KIAA1549L: variants seen among roughly 807,000 people sequenced by gnomAD.
The protein encoded by KIAA1549L is UPF0606 protein KIAA1549L.
In KIAA1549L, 88 loss-of-function variants were observed where a neutral mutation model predicts 160.7. The observed-to-expected ratio is 0.55, with a 90% CI of 0.46 to 0.65. KIAA1549L has a LOEUF of 0.65. KIAA1549L is among the 30% of genes least tolerant of loss of function. The pLI, the probability that KIAA1549L is intolerant of heterozygous loss-of-function variation, is 0.00. For missense variants in KIAA1549L, 2,258 were observed against 2,437.5 expected, an observed-to-expected ratio of 0.93 and a Z score of 1.55; for synonymous variants, 950 against 976.7, an observed-to-expected ratio of 0.97 and a Z score of 0.51.
rs1423902707 is a variant in KIAA1549L, at chr11:33,584,650, A to G, written c.4566+1149A>G. Among the ~76,000 whole-genome samples, 4 of 152,222 alleles carry G rather than the reference A, an allele frequency of 2.6e-5. No individual in the cohort carries two copies. The East Asian group carries it at 7.7e-4, about 29-fold the overall frequency. On this transcript the variant is annotated intron_variant, in intron 11 of 20. Transcript: ENST00000658780. The stretch of plus-strand genomic sequence containing the variant: ...CTCGTTTGTTCATCACAGCAGCCTT[A>G]TGAGGTAGCTCGTAGTCAGGGAAGG...
chr11:33,425,150 A>G (rs1851091206), intron 1 of KIAA1549L, among the ~76,000 whole-genome samples: 1 of 152,202 alleles, frequency 6.6e-6, no homozygotes, highest in South Asian at 2.1e-4. Context: ...ATTCCATCTC[A>G]AGGAGCTTTT....
intron 13 of KIAA1549L, among the ~76,000 whole-genome samples, chr11:33,600,898 A>G (rs1019054115): frequency 1.3e-5 from 2 of 152,064 alleles, no homozygotes; most frequent in African/African-American, 4.8e-5. Context: ...CAAATAATCC[A>G]TAGAAGATGA....
chr11:33,450,305 C>T (rs1450322145), intron 1 of KIAA1549L, among the ~76,000 whole-genome samples: 1 of 152,188 alleles, frequency 6.6e-6, no homozygotes, highest in Non-Finnish European at 1.5e-5. Flanking sequence ...CACCTGCAAT[C>T]CCAGCACTTT....
At chr11:33,641,588 A>ATG (rs373115850) in intron 16 of KIAA1549L, among the ~76,000 whole-genome samples, 50 of 4,834 alleles carry the variant, frequency 0.01, 1 homozygote, top group Non-Finnish European at 0.015. Flanking sequence ...ATATATATAT[A>ATG]TATATATATA....
intron 1 of KIAA1549L, among the ~76,000 whole-genome samples, chr11:33,442,176 G>A (rs1481041122): frequency 6.6e-6 from 1 of 152,098 alleles, no homozygotes; most frequent in Non-Finnish European, 1.5e-5. Context: ...ATTAAATAGG[G>A]AATCCTTTCC....
At position 33,609,763 on chromosome 11, in the gene KIAA1549L, G is replaced by A. The variant is rs779478008; in HGVS notation, c.5076G>A (p.Leu1692=). 344 of 1,607,990 alleles carry A rather than the reference G, an allele frequency of 2.1e-4. No homozygotes were observed. The highest frequency in any genetic ancestry group is 2.8e-4 in the Non-Finnish European group (332 of 1,177,326). Residue 1692 remains leucine (L), a synonymous_variant, in exon 15 of 21, where the codon CTG becomes CTA. Coordinates refer to ENST00000658780, the MANE Select transcript of KIAA1549L (RefSeq NM_012194.3). ...TCTCTCCCCAGGTGAACAAAGCCCT[G>A]AAGCAGAAGTCAGACATCGAGCACT... is the stretch of plus-strand genomic sequence containing the variant. ...AVLNGEVNKA[L]KQKSDIEHYR...
At chr11:33,646,681 T>C (rs1025844989) in intron 17 of KIAA1549L, among the ~76,000 whole-genome samples, 6 of 152,232 alleles carry the variant, frequency 3.9e-5, no homozygotes, top group Non-Finnish European at 8.8e-5. Flanking sequence ...CACAAAATAC[T>C]TGTGCGAGGA....
chr11:33,393,522 G>A (rs574707844), intron 1 of KIAA1549L, among the ~76,000 whole-genome samples: 1 of 152,316 alleles, frequency 6.6e-6, no homozygotes, highest in East Asian at 1.9e-4. Context: ...GGTTATAAGT[G>A]AGGACACACA....
At chr11:33,479,098 A>G in intron 1 of KIAA1549L, among the ~76,000 whole-genome samples, 1 of 147,790 alleles carries the variant, frequency 6.8e-6, no homozygotes, top group Non-Finnish European at 1.5e-5. Flanking sequence ...ATATTTTTTC[A>G]CCAGTGCTCA....
chr11:33,629,920 A>G (rs1851231457), intron 16 of KIAA1549L, among the ~76,000 whole-genome samples: 1 of 148,248 alleles, frequency 6.7e-6, no homozygotes, highest in African/African-American at 2.6e-5. Context: ...TTGTGGTTTT[A>G]TCTACTTTTG....
At chr11:33,656,870 G>A (rs80300489) in intron 18 of KIAA1549L, among the ~76,000 whole-genome samples, 1,777 of 152,230 alleles carry the variant, frequency 0.012, 35 homozygotes, top group African/African-American at 0.038. Flanking sequence ...GGGCGTAGAC[G>A]TCACTTCTTG....
intron 16 of KIAA1549L, among the ~76,000 whole-genome samples, chr11:33,628,744 G>T (rs1851189610): frequency 6.6e-6 from 1 of 150,688 alleles, no homozygotes; most frequent in Admixed American, 6.6e-5. Context: ...TATCCAATTT[G>T]CCAGTCTGTG....
rs1190883464 is a variant in KIAA1549L at position 33,521,678 on chromosome 11, A to G, written c.239-20124A>G. On this transcript the variant is annotated intron_variant, in intron 1 of 20. Coordinates refer to ENST00000658780, the MANE Select transcript of KIAA1549L (RefSeq NM_012194.3). ...ATCTCCTCCCAGACTCTAGCAAATGATATATGTCTCTCTTAGGCCTCTCTT... is the reference window on the plus strand; with the variant it reads ...ATCTCCTCCCAGACTCTAGCAAATGGTATATGTCTCTCTTAGGCCTCTCTT... Among the ~76,000 whole-genome samples, 4 of 152,148 alleles carry G rather than the reference A, an allele frequency of 2.6e-5. No individual in the cohort carries two copies. In the East Asian group the frequency reaches 5.8e-4, roughly 22 times the overall value.
rs1264176469 is a variant in KIAA1549L at position 33,667,879 on chromosome 11, C to T, written c.6166C>T (p.Leu2056Phe). Residue 2056 changes from leucine (L) to phenylalanine (F), a missense_variant, in exon 21 of 21, where the codon CTC becomes TTC. Coordinates refer to ENST00000658780, the MANE Select transcript of KIAA1549L (RefSeq NM_012194.3). ...LPSQWADSVP[L>F]PGYIEAYPRS... ...CTCCCCACGCCCTCTGCAGGTGCCC[C>T]TCCCAGGGTACATCGAGGCCTACCC... 1 of 1,610,056 alleles carries T rather than the reference C, an allele frequency of 6.2e-7. No homozygotes were observed. Among genetic ancestry groups the T allele is most frequent in the Non-Finnish European group, 8.5e-7 (1 of 1,177,704 alleles).
chr11:33,381,271 A>G (rs180771598), intron 1 of KIAA1549L, among the ~76,000 whole-genome samples: 172 of 152,282 alleles, frequency 1.1e-3, no homozygotes, highest in African/African-American at 4.0e-3. Flanking sequence ...GGTAAGCTCT[A>G]TGGAGCAAAA....
chr11:33,421,313 C>A (rs944322918), intron 1 of KIAA1549L, among the ~76,000 whole-genome samples: 6 of 152,102 alleles, frequency 3.9e-5, no homozygotes, highest in Non-Finnish European at 8.8e-5. Context: ...TGGGGGTGAG[C>A]AGATCGGAGA....
At chr11:33,528,883 C>T (rs773676442) in intron 1 of KIAA1549L, among the ~76,000 whole-genome samples, 8 of 152,158 alleles carry the variant, frequency 5.3e-5, no homozygotes, top group East Asian at 3.8e-4. Context: ...GTGTATACTG[C>T]GTGGTTGATG....
chr11:33,449,881 C>T (rs1851684985), intron 1 of KIAA1549L, among the ~76,000 whole-genome samples: 1 of 152,154 alleles, frequency 6.6e-6, no homozygotes, highest in African/African-American at 2.4e-5. Flanking sequence ...GACCAGCTCA[C>T]CGATTTTTAA....
chr11:33,637,754 A>G (rs933237386), intron 16 of KIAA1549L, among the ~76,000 whole-genome samples: 8 of 152,120 alleles, frequency 5.3e-5, no homozygotes, highest in Non-Finnish European at 1.0e-4. Flanking sequence ...GCTGTGTCCA[A>G]ATTTCCTCTT....
Sources: gnomAD v4.1 joint callset for allele counts (sites outside exome capture counted in the v4.1 genomes callset) on GRCh38, gnomAD v4.1.1 for gene constraint, MANE v1.5 for transcripts, NCBI Gene and HGNC (gene_info 2026-07-23, HGNC 2026-07-21) for gene names.